Variants in NRXN1 observed in about 807,000 individuals in gnomAD.
The protein encoded by NRXN1 is neurexin-1.
NRXN1 carries 39 observed loss-of-function variants against 150.9 expected under a neutral mutation model. The ratio of observed to expected loss-of-function variants is 0.26; its 90% CI spans 0.20 to 0.34. The LOEUF is 0.34. Ranked by LOEUF, NRXN1 falls within the 10% of genes least tolerant of loss-of-function variation. The pLI, the probability that NRXN1 is intolerant of heterozygous loss-of-function variation, is 1.00. For missense variants in NRXN1, 1,815 were observed against 1,949.9 expected, an observed-to-expected ratio of 0.93 and a Z score of 1.30; for synonymous variants, 924 against 757.0, an observed-to-expected ratio of 1.22 and a Z score of -3.62.
chr2:50,984,172 A>G (rs753836307), intron 2 of NRXN1, among the ~76,000 whole-genome samples: 4 of 96,618 alleles, frequency 4.1e-5, no homozygotes, highest in African/African-American at 8.5e-5. Flanking sequence ...TTTAGTAGAG[A>G]TGGGGTTTCA....
intron 8 of NRXN1, among the ~76,000 whole-genome samples, chr2:50,582,789 C>T (rs918258775): frequency 1.3e-5 from 2 of 152,076 alleles, no homozygotes; most frequent in Admixed American, 6.6e-5. Context: ...GCTTCCAGTT[C>T]CCCCGCTGAA....
chr2:50,064,247 T>A (rs1695003851), intron 19 of NRXN1, among the ~76,000 whole-genome samples: 1 of 151,780 alleles, frequency 6.6e-6, no homozygotes. Context: ...TCATTATATA[T>A]ATAAAATGAC....
intron 8 of NRXN1, among the ~76,000 whole-genome samples, chr2:50,570,358 A>G (rs1390427871): frequency 6.6e-6 from 1 of 152,192 alleles, no homozygotes; most frequent in African/African-American, 2.4e-5. Flanking sequence ...TAGCACTGGT[A>G]CACAGGTTGG....
intron 18 of NRXN1, among the ~76,000 whole-genome samples, chr2:50,127,896 G>C (rs1381630417): frequency 6.6e-6 from 1 of 152,136 alleles, no homozygotes; most frequent in Non-Finnish European, 1.5e-5. Context: ...TAGCCTGATG[G>C]CAAAGGGCTT....
At chr2:50,181,294 G>A (rs1024086082) in intron 18 of NRXN1, among the ~76,000 whole-genome samples, 1 of 145,634 alleles carries the variant, frequency 6.9e-6, no homozygotes, top group African/African-American at 2.6e-5. Context: ...TTGAGACATG[G>A]GCTTTAGGTT....
At chr2:49,965,172 G>T (rs932260895) in intron 21 of NRXN1, among the ~76,000 whole-genome samples, 6 of 151,784 alleles carry the variant, frequency 4.0e-5, no homozygotes. Context: ...GAGCCACTAT[G>T]TCCGGTTTCA....
chr2:50,381,966 C>T (rs2081002853), intron 17 of NRXN1, among the ~76,000 whole-genome samples: 1 of 152,032 alleles, frequency 6.6e-6, no homozygotes, highest in South Asian at 2.1e-4. Context: ...AAGACTGTTA[C>T]AGGACAGAGA....
At chr2:50,064,357 A>C (rs1030712751) in intron 19 of NRXN1, among the ~76,000 whole-genome samples, 1 of 151,958 alleles carries the variant, frequency 6.6e-6, no homozygotes, top group Non-Finnish European at 1.5e-5. Context: ...ATTACAAGTC[A>C]ATGATTTATA....
At chr2:50,311,457 C>T (rs1175365678) in intron 17 of NRXN1, among the ~76,000 whole-genome samples, 1 of 151,870 alleles carries the variant, frequency 6.6e-6, no homozygotes, top group African/African-American at 2.4e-5. Context: ...TTTCTAAATC[C>T]CCAGGAGCTC....
Position 49,945,391 on chromosome 2 carries a change from C to CTTTT in NRXN1, c.4129-1604_4129-1601dup, listed in dbSNP as rs200640344. On this transcript the variant is annotated intron_variant, in intron 21 of 22. Transcript: ENST00000401669. ...ATTTGATAATTTGTGGGGGTTTTCTCTTTTTTTTTTTTTATTATACTTTTA... is the reference window on the plus strand; with the variant it reads ...ATTTGATAATTTGTGGGGGTTTTCTCTTTTTTTTTTTTTTTTTATTATACTTTTA... Among the ~76,000 whole-genome samples, 4 of 140,684 alleles carry CTTTT rather than the reference C, an allele frequency of 2.8e-5. No homozygotes were observed. In the South Asian group the frequency reaches 9.1e-4, roughly 32 times the overall value. 92.3% of individuals were successfully genotyped at this position (140,684 alleles called of 152,430 possible). A position where few individuals can be genotyped will look rare whatever the true frequency, so the allele number is the denominator to read the frequency against.
chr2:49,993,473 A>G (rs1682370473), intron 21 of NRXN1, among the ~76,000 whole-genome samples: 2 of 152,312 alleles, frequency 1.3e-5, no homozygotes, highest in Admixed American at 1.3e-4. Context: ...ATGACACTAT[A>G]ATAATAGATC....
At chr2:50,335,966 A>G (rs1330309427) in intron 17 of NRXN1, among the ~76,000 whole-genome samples, 1 of 151,818 alleles carries the variant, frequency 6.6e-6, no homozygotes, top group Non-Finnish European at 1.5e-5. Context: ...GGCAGCAGCA[A>G]TTTATCAGTT....
At chr2:50,745,662 CT>C (rs1699936113) in intron 5 of NRXN1, among the ~76,000 whole-genome samples, 1 of 152,042 alleles carries the variant, frequency 6.6e-6, no homozygotes, top group African/African-American at 2.4e-5. Flanking sequence ...CCTCAGAAAA[CT>C]TACAATCATG....
chr2:50,526,827 A>C (rs1007619122), intron 12 of NRXN1: 1 of 152,232 alleles, frequency 6.6e-6, no homozygotes, highest in African/African-American at 2.4e-5. Flanking sequence ...ACTCATTAAA[A>C]AGGGAAAACA....
At chr2:50,581,389 C>T (rs1330346929) in intron 8 of NRXN1, among the ~76,000 whole-genome samples, 2 of 152,062 alleles carry the variant, frequency 1.3e-5, no homozygotes, top group African/African-American at 4.8e-5. Flanking sequence ...TATTGGATAG[C>T]TTATGTTTCT....
intron 19 of NRXN1, among the ~76,000 whole-genome samples, chr2:50,075,868 G>C (rs542346412): frequency 1.3e-5 from 2 of 152,070 alleles, no homozygotes; most frequent in South Asian, 2.1e-4. Flanking sequence ...CCCAAGCACA[G>C]ACTGTATTTC....
Position 50,939,197 on chromosome 2 carries a change from C to T in NRXN1, c.773-13242G>A, listed in dbSNP as rs111529704. ...CTGCACTCTAGCCTGGGCAACAGAG[C>T]GAGACTCCATCTCAAAAAAAAAAAA... is the stretch of plus-strand genomic sequence containing the variant. On this transcript the variant is annotated intron_variant, in intron 2 of 22. Transcript: ENST00000401669. Among the ~76,000 whole-genome samples the T allele has an allele frequency of 0.017, 1,874 of 110,398 alleles. 52 individuals carry two copies. Among genetic ancestry groups the T allele is most frequent in the African/African-American group, 0.066 (1,728 of 26,318 alleles). The allele number at this position is 110,398 out of a possible 152,430, so 72.4% of individuals were successfully genotyped here.
intron 5 of NRXN1, among the ~76,000 whole-genome samples, chr2:50,785,972 C>A (rs776299335): frequency 6.6e-6 from 1 of 151,916 alleles, no homozygotes; most frequent in East Asian, 1.9e-4. Flanking sequence ...ATAACAGCCA[C>A]GCCCCCACCC....
At chr2:50,963,949 G>C (rs1245623183) in intron 2 of NRXN1, 1 of 437,256 alleles carries the variant, frequency 2.3e-6, no homozygotes, top group Admixed American at 2.5e-5. Context: ...AGTTTAATTT[G>C]AGCTCAAATA....
Sources: gnomAD v4.1 joint callset for allele counts (sites outside exome capture counted in the v4.1 genomes callset) on GRCh38, gnomAD v4.1.1 for gene constraint, MANE v1.5 for transcripts, NCBI Gene and HGNC (gene_info 2026-07-23, HGNC 2026-07-21) for gene names.